The following ATRX variants were observed in gnomAD, a reference collection of about 807,000 sequenced individuals.
The protein encoded by ATRX is ATRX chromatin remodeler.
ATRX carries 12 observed loss-of-function variants against 172.6 expected under a neutral mutation model. That is an observed-to-expected ratio of 0.07 (90% CI 0.04 to 0.11). The LOEUF (loss-of-function observed/expected upper bound fraction) is 0.11. Ranked by LOEUF, ATRX falls within the 10% of genes least tolerant of loss-of-function variation. The pLI, the probability that ATRX is intolerant of heterozygous loss-of-function variation, is 1.00. For missense variants in ATRX, 1,368 were observed against 1,767.4 expected, an observed-to-expected ratio of 0.77 and a Z score of 4.05; for synonymous variants, 674 against 594.7, an observed-to-expected ratio of 1.13 and a Z score of -1.94.
intron 1 of ATRX, among the ~76,000 whole-genome samples, chrX:77,737,174 C>CTTTAGG (rs2074610104): frequency 9.0e-6 from 1 of 110,636 alleles, no homozygotes; most frequent in Non-Finnish European, 1.9e-5. Context: ...CCTGTACTCC[C>CTTTAGG]AGCACTTTAG....
intron 2 of ATRX, among the ~76,000 whole-genome samples, chrX:77,715,048 A>C (rs1410663426): frequency 2.7e-5 from 3 of 111,066 alleles, no homozygotes; most frequent in African/African-American, 9.9e-5. Flanking sequence ...GTAGTTATTC[A>C]CTCCAGTGTA....
intron 1 of ATRX, among the ~76,000 whole-genome samples, chrX:77,721,011 G>A (rs1013111296): frequency 4.5e-5 from 5 of 111,962 alleles, no homozygotes; most frequent in Admixed American, 3.8e-4. Flanking sequence ...GTGATACACA[G>A]CTGGTTCAAC....
At chrX:77,684,729 T>C (rs1218752828) in intron 8 of ATRX, 136 bp from the exon 9 acceptor site, 2 of 825,134 alleles carry the variant, frequency 2.4e-6, no homozygotes, top group Non-Finnish European at 3.5e-6. Flanking sequence ...TAAATTTTAC[T>C]GCCAGTAATT....
intron 1 of ATRX, among the ~76,000 whole-genome samples, chrX:77,762,897 GC>G (rs1249707606): frequency 9.0e-6 from 1 of 110,724 alleles, no homozygotes; most frequent in Non-Finnish European, 1.9e-5. Context: ...ATGTGTACTG[GC>G]ACCAGAAGAA....
At chrX:77,626,995 A>G (rs1454527543) in intron 19 of ATRX, among the ~76,000 whole-genome samples, 7 of 111,110 alleles carry the variant, frequency 6.3e-5, no homozygotes, top group African/African-American at 2.3e-4. Context: ...GCAGGCCAAG[A>G]CGGGCGGATC....
intron 29 of ATRX, 62 bp downstream of exon 29, chrX:77,558,607 T>C: frequency 1.0e-6 from 1 of 1,002,155 alleles, no homozygotes. Flanking sequence ...ATGTTCCATA[T>C]CTCTAAAATA....
intron 1 of ATRX, among the ~76,000 whole-genome samples, chrX:77,731,699 G>A (rs1248265692): frequency 9.0e-6 from 1 of 111,208 alleles, no homozygotes; most frequent in Non-Finnish European, 1.9e-5. Context: ...AGAGAGGAGA[G>A]AAACAGCTTA....
intron 1 of ATRX, among the ~76,000 whole-genome samples, chrX:77,780,008 T>C: frequency 8.9e-6 from 1 of 112,022 alleles, no homozygotes; most frequent in Non-Finnish European, 1.9e-5. Context: ...CAGACGTACA[T>C]CTTCAATCAT....
chrX:77,593,896 G>A, intron 25 of ATRX, 47 bp from the exon 26 acceptor site: 1 of 1,132,982 alleles, frequency 8.8e-7, no homozygotes, highest in African/African-American at 1.8e-5. Flanking sequence ...GAAAAGAAAT[G>A]GAAAGAGAGC....
chrX:77,561,272 G>A (rs1447031514), intron 28 of ATRX, among the ~76,000 whole-genome samples: 1 of 109,520 alleles, frequency 9.1e-6, no homozygotes, highest in African/African-American at 3.3e-5. Flanking sequence ...AAAGAATCAA[G>A]CATATAGAAT....
At chrX:77,587,354 G>A (rs1198306210) in intron 27 of ATRX, among the ~76,000 whole-genome samples, 2 of 110,451 alleles carry the variant, frequency 1.8e-5, no homozygotes, top group African/African-American at 6.6e-5. Context: ...TTAATAGAAT[G>A]GGGAAAAAAA....
chrX:77,587,055 T>TA (rs782752762), intron 27 of ATRX, among the ~76,000 whole-genome samples: 134 of 94,599 alleles, frequency 1.4e-3, no homozygotes, highest in East Asian at 6.0e-3. Context: ...ACCCTGTCTC[T>TA]AAAAAAAAAA....
At chrX:77,755,871 A>C (rs1339400971) in intron 1 of ATRX, among the ~76,000 whole-genome samples, 7 of 112,149 alleles carry the variant, frequency 6.2e-5, no homozygotes, top group African/African-American at 2.3e-4. Flanking sequence ...GTGCTAGGAG[A>C]ATCCTCCTTG....
chrX:77,656,535 AT>A, intron 13 of ATRX, 24 bp downstream of exon 13: 1 of 1,173,388 alleles, frequency 8.5e-7, no homozygotes, highest in Non-Finnish European at 1.2e-6. Context: ...AATTCCTAAA[AT>A]TTTTTAAAAA....
intron 1 of ATRX, among the ~76,000 whole-genome samples, chrX:77,762,517 G>C (rs915238391): frequency 2.7e-5 from 3 of 110,784 alleles, no homozygotes; most frequent in African/African-American, 9.8e-5. Context: ...TGGAACCATA[G>C]AGACTATGAG....
chrX:77,688,042 A>T (rs980289238), intron 7 of ATRX, among the ~76,000 whole-genome samples: 1 of 111,092 alleles, frequency 9.0e-6, no homozygotes, highest in Non-Finnish European at 1.9e-5. Context: ...GGTTCAAGCG[A>T]TTCTCCTGCC....
chrX:77,572,508 G>C (rs1173337148), intron 28 of ATRX, among the ~76,000 whole-genome samples: 1 of 111,161 alleles, frequency 9.0e-6, no homozygotes, highest in Non-Finnish European at 1.9e-5. Flanking sequence ...TAATTCACTA[G>C]TGAGTAAGCC....
intron 27 of ATRX, chrX:77,575,630 T>C (rs2065589418): frequency 8.9e-6 from 1 of 111,841 alleles, no homozygotes; most frequent in Admixed American, 9.5e-5. Context: ...AGAGTCATTA[T>C]AGGTTAGTAG....
At chrX:77,696,465 G>T in intron 5 of ATRX, 112 bp downstream of exon 5, 1 of 808,403 alleles carries the variant, frequency 1.2e-6, no homozygotes, top group Non-Finnish European at 1.8e-6. Flanking sequence ...CTAGGAAAAT[G>T]CCATGTTTGG....
Sources: allele counts gnomAD v4.1 joint callset (sites outside exome capture counted in the v4.1 genomes callset), GRCh38; gene constraint gnomAD v4.1.1; transcripts MANE v1.5; gene names NCBI Gene and HGNC (gene_info 2026-07-23, HGNC 2026-07-21).